TRAM1: variants seen among roughly 807,000 people sequenced by gnomAD.
TRAM1 encodes translocation associated membrane protein 1, also known as translocating chain-associated membrane protein 1.
In TRAM1, 17 loss-of-function variants were observed where a neutral mutation model predicts 48.7. The ratio of observed to expected loss-of-function variants is 0.35; its 90% CI spans 0.24 to 0.52. The LOEUF (loss-of-function observed/expected upper bound fraction) is 0.52, where lower values mean the gene tolerates loss of function less well. Ranked by LOEUF, TRAM1 falls within the 20% of genes least tolerant of loss-of-function variation. The pLI is 0.94. For missense variants in TRAM1, 351 were observed against 441.5 expected (o/e 0.79, Z 1.84); for synonymous variants, 182 against 154.0 (o/e 1.18, Z -1.34).
At chr8:70,588,653 T>C (rs1363530391) in intron 6 of TRAM1, among the ~76,000 whole-genome samples, 1 of 152,146 alleles carries the variant, frequency 6.6e-6, no homozygotes, top group East Asian at 1.9e-4. Flanking sequence ...AAAATTGTAT[T>C]CCACATTTTA....
At chr8:70,582,841 T>C (rs562590783) in intron 10 of TRAM1, among the ~76,000 whole-genome samples, 18 of 152,282 alleles carry the variant, frequency 1.2e-4, no homozygotes, top group Non-Finnish European at 2.9e-5. Flanking sequence ...GTGAATAAGA[T>C]GCTTGAAAAC....
At chr8:70,607,981 C>G in intron 1 of TRAM1, 96 bp downstream of exon 1, 1 of 1,416,980 alleles carries the variant, frequency 7.1e-7, no homozygotes. Context: ...GCCCGAGCCC[C>G]CCGCGTCCTG....
chr8:70,592,699 C>T (rs74589249), intron 6 of TRAM1, among the ~76,000 whole-genome samples: 2,731 of 152,228 alleles, frequency 0.018, 75 homozygotes, highest in African/African-American at 0.063. Flanking sequence ...GGTATTTGTT[C>T]ATGAGTATAC....
intron 1 of TRAM1, 99 bp from the exon 2 acceptor site, chr8:70,600,181 C>T: frequency 1.2e-6 from 1 of 862,340 alleles, no homozygotes; most frequent in Non-Finnish European, 1.9e-6. Flanking sequence ...TAAATCGAAG[C>T]ACCAAGGGCC....
At chr8:70,578,391 T>C (rs1817006293) in intron 10 of TRAM1, among the ~76,000 whole-genome samples, 1 of 152,208 alleles carries the variant, frequency 6.6e-6, no homozygotes, top group Non-Finnish European at 1.5e-5. Context: ...GCCCAGCCAA[T>C]TGGTTGAGAC....
chr8:70,589,022 T>C (rs536640015), intron 6 of TRAM1, among the ~76,000 whole-genome samples: 225 of 152,324 alleles, frequency 1.5e-3, no homozygotes, highest in African/African-American at 5.1e-3. Flanking sequence ...TCTCTGTGTT[T>C]CAGTACTGAG....
chr8:70,583,616 G>A (rs1376442927), intron 9 of TRAM1, 34 bp downstream of exon 9: 2 of 1,601,820 alleles, frequency 1.2e-6, no homozygotes, highest in Non-Finnish European at 1.7e-6. Context: ...TTATCTAGCT[G>A]TATAAAGTGA....
Position 70,583,198 on chromosome 8 carries a change from T to G in TRAM1, c.1017A>C (p.Thr339=), listed in dbSNP as rs745630057. The change falls in exon 10 of 11, where the codon ACA becomes ACC. Residue 339 remains threonine, a synonymous_variant. Transcript: ENST00000262213. ...TTTTAGAAGATCTGCCTTTAGTTAC[T>G]GTTGGTTTCTTCTTCACAGCTGGTG... ...FQAPAVKKKP[T]VTKGRSSKKG... 9.3e-6 allele frequency: 15 copies of G among 1,614,076 alleles called. No homozygotes were observed. The highest frequency in any genetic ancestry group is 1.3e-5 in the Non-Finnish European group (15 of 1,180,002).
chr8:70,593,878 T>C (rs1301407959), intron 6 of TRAM1, among the ~76,000 whole-genome samples: 1 of 152,116 alleles, frequency 6.6e-6, no homozygotes, highest in African/African-American at 2.4e-5. Context: ...AGAAAACGAC[T>C]TTTGTGATAG....
intron 8 of TRAM1, among the ~76,000 whole-genome samples, chr8:70,584,544 A>T (rs902541546): frequency 3.3e-5 from 5 of 152,230 alleles, no homozygotes; most frequent in Admixed American, 6.5e-5. Context: ...CCACTGTCTC[A>T]GCCCAAAATC....
chr8:70,579,255 C>T (rs1163737639), intron 10 of TRAM1, among the ~76,000 whole-genome samples: 1 of 152,194 alleles, frequency 6.6e-6, no homozygotes, highest in East Asian at 1.9e-4. Flanking sequence ...ATCTGCATGG[C>T]ATGTTACTGT....
intron 4 of TRAM1, 95 bp from the exon 5 acceptor site, chr8:70,596,416 C>A: frequency 2.2e-6 from 2 of 890,084 alleles, no homozygotes; most frequent in East Asian, 2.8e-5. Context: ...TTACAGGTCC[C>A]ATACCAGGTT....
At chr8:70,597,767 T>C in intron 4 of TRAM1, 128 bp downstream of exon 4, 1 of 543,714 alleles carries the variant, frequency 1.8e-6, no homozygotes, top group Non-Finnish European at 3.0e-6. Flanking sequence ...TAGTTTAGAA[T>C]TTTTGCTGTA....
rs963703897 is a variant in TRAM1, at chr8:70,598,178, C to A, written c.265G>T (p.Val89Leu). Residue 89 changes from valine to leucine, a missense_variant, in exon 3 of 11, where the codon GTG (valine) becomes TTG (leucine). By Grantham distance (32) the Val-to-Leu change is conservative. Coordinates refer to ENST00000262213, the MANE Select transcript of TRAM1 (RefSeq NM_014294.6). ...DLATVFFYMLVAIIIHAVIQE... is the reference protein window; with the variant it reads ...DLATVFFYMLLAIIIHAVIQE... The stretch of plus-strand genomic sequence containing the variant: ...ATTACGGCATGAATAATTATCGCCA[C>A]TAGCATGTAGAAGAAAACAGTAGCC... 2 of 1,613,196 alleles carry A rather than the reference C, an allele frequency of 1.2e-6. No individual in the cohort carries two copies. The highest frequency in any genetic ancestry group is 1.7e-6 in the Non-Finnish European group (2 of 1,179,672).
rs556428369 is a variant in TRAM1, at chr8:70,575,991, A to G, written c.1052-986T>C. Among the ~76,000 whole-genome samples, 24 of 148,584 alleles carry G rather than the reference A, an allele frequency of 1.6e-4. No individual in the cohort carries two copies. In the South Asian group the frequency reaches 5.4e-3, roughly 33 times the overall value. On this transcript the variant is annotated intron_variant, in intron 10 of 10. Transcript: ENST00000262213. ...ACCTGGGAGGCAGGAGAATCACTTGAGCCCGGGAGGCAAAGGTTGCAGTGA... is the reference window on the plus strand; with the variant it reads ...ACCTGGGAGGCAGGAGAATCACTTGGGCCCGGGAGGCAAAGGTTGCAGTGA...
intron 10 of TRAM1, among the ~76,000 whole-genome samples, chr8:70,581,983 G>A (rs1261521780): frequency 1.3e-5 from 2 of 152,286 alleles, no homozygotes; most frequent in East Asian, 3.9e-4. Context: ...TGATGCTAAG[G>A]GGCATGGGGT....
chr8:70,608,045 G>C (rs1817789892), intron 1 of TRAM1, 32 bp downstream of exon 1: 2 of 1,562,962 alleles, frequency 1.3e-6, no homozygotes, highest in East Asian at 4.8e-5. Context: ...GGAGGTGGCG[G>C]GGCAGGCGGT....
In TRAM1 at chr8:70,583,880, GC is replaced by G. The variant is rs958646558; in HGVS notation, c.747-88del. ...TTAGATTCCTAAGTTGGGCGTGGTG[GC>G]AGACGCCTGTAATCCCAGCTACTTG... On this transcript the variant is annotated intron_variant, in intron 8 of 10. Coordinates refer to ENST00000262213, the MANE Select transcript of TRAM1 (RefSeq NM_014294.6). 3.5e-6 allele frequency: 5 copies of G among 1,425,680 alleles called. No homozygotes were observed. In the Admixed American group the frequency reaches 1.1e-4, roughly 31 times the overall value. 88.3% of individuals were successfully genotyped at this position (1,425,680 alleles called of 1,614,324 possible).
At chr8:70,607,785 A>C in intron 1 of TRAM1, 9 of 220,808 alleles carry the variant, frequency 4.1e-5, no homozygotes, top group Non-Finnish European at 5.2e-5. Flanking sequence ...TGCGCCGCGC[A>C]GCCTGCGGGA....
Sources: gnomAD v4.1 joint callset for allele counts (sites outside exome capture counted in the v4.1 genomes callset) on GRCh38, gnomAD v4.1.1 for gene constraint, MANE v1.5 for transcripts, NCBI Gene and HGNC (gene_info 2026-07-23, HGNC 2026-07-21) for gene names.